PRDM15: variants seen among roughly 807,000 people sequenced by gnomAD.
The protein encoded by PRDM15 is PR/SET domain 15.
PRDM15 carries 64 observed loss-of-function variants against 128.6 expected under a neutral mutation model. The observed-to-expected ratio is 0.50, with a 90% CI of 0.41 to 0.61. PRDM15 has a LOEUF of 0.61. Among genes scored for constraint, PRDM15 ranks in the 20% least tolerant of loss-of-function variants. The pLI is 0.00. For synonymous variants in PRDM15, 615 were observed against 621.8 expected (o/e 0.99, Z 0.16); for missense variants, 1,242 against 1,569.1 (o/e 0.79, Z 3.52).
intron 6 of PRDM15, among the ~76,000 whole-genome samples, chr21:41,844,709 G>GACAC (rs1158170548): frequency 4.2e-3 from 4 of 950 alleles, no homozygotes; most frequent in Middle Eastern, 0.25. Context: ...CCATCACAGG[G>GACAC]ACACACACAC....
rs958683776 is a variant in PRDM15, at chr21:41,805,649, G to A, written c.2653-1035C>T. 9.2e-5 allele frequency among the ~76,000 whole-genome samples: 14 copies of A among 152,032 alleles called. No individual in the cohort carries two copies. In the East Asian group the frequency reaches 1.4e-3, roughly 15 times the overall value. On this transcript the variant is annotated intron_variant, in intron 21 of 23. Transcript: ENST00000398548. ...AGCACAGATCTATACTGTGACACTCGCAAAGGACCCTGAGCAAAAGCAACC... is the reference window on the plus strand; with the variant it reads ...AGCACAGATCTATACTGTGACACTCACAAAGGACCCTGAGCAAAAGCAACC...
rs1300529551 is a variant in PRDM15, at chr21:41,835,517, C to T, written c.1286G>A (p.Gly429Asp). ...SYKHSRNEVD[G>D]EYRYRCGTCE... is the part of the protein sequence containing the mutation. ...AGTGCCGCAGCGGTACCTGTACTCG[C>T]CGTCCACCTGGTCAGAGGGACACGC... The change falls in exon 11 of 24, where the codon GGC becomes GAC. Residue 429 changes from glycine to aspartate, a missense_variant. Physicochemically the swap from Gly to Asp is moderately conservative, Grantham distance 94. Transcript: ENST00000398548. The T allele has an allele frequency of 6.2e-7, 1 of 1,608,716 alleles. No individual in the cohort carries two copies. Among genetic ancestry groups the T allele is most frequent in the Admixed American group, 1.7e-5 (1 of 60,012 alleles).
intron 13 of PRDM15, 65 bp downstream of exon 13, chr21:41,825,893 TAG>T (rs2062451885): frequency 4.1e-6 from 5 of 1,222,794 alleles, no homozygotes; most frequent in Non-Finnish European, 6.0e-6. Context: ...GTACAGCTCA[TAG>T]AGTCTTAACT....
chr21:41,823,833 AC>A (rs745710079), intron 13 of PRDM15, among the ~76,000 whole-genome samples: 2 of 152,132 alleles, frequency 1.3e-5, no homozygotes, highest in African/African-American at 4.8e-5. Context: ...AAAGCTAGTT[AC>A]CCCCTTGGCT....
At chr21:41,869,685 A>G (rs541043860) in intron 1 of PRDM15, among the ~76,000 whole-genome samples, 48 of 152,294 alleles carry the variant, frequency 3.2e-4, no homozygotes, top group African/African-American at 1.2e-3. Context: ...GGCTCAAGCC[A>G]TTTATCCACC....
At chr21:41,819,897 G>A (rs898304819) in intron 17 of PRDM15, 196 bp from the exon 18 acceptor site, 1 of 779,470 alleles carries the variant, frequency 1.3e-6, no homozygotes, top group Non-Finnish European at 2.1e-6. Context: ...TGAGGACCTG[G>A]AGGGGTGAGG....
chr21:41,803,982 T>TTTC (rs2061489165), intron 22 of PRDM15, among the ~76,000 whole-genome samples: 2 of 140,436 alleles, frequency 1.4e-5, no homozygotes, highest in African/African-American at 5.1e-5. Flanking sequence ...TTTTTTTTTT[T>TTTC]CAGACACAGT....
intron 7 of PRDM15, among the ~76,000 whole-genome samples, chr21:41,838,508 C>CG (rs2062968358): frequency 6.6e-6 from 1 of 152,178 alleles, no homozygotes; most frequent in African/African-American, 2.4e-5. Flanking sequence ...ATCACATCAT[C>CG]GCCAATACTG....
chr21:41,802,709 G>C lies in PRDM15; in HGVS notation c.2943+3C>G, dbSNP rs1236598731. On this transcript the variant is annotated splice_donor_region_variant and intron_variant, in intron 23 of 23. Coordinates refer to ENST00000398548, the MANE Select transcript of PRDM15 (RefSeq NM_001040424.3). ...TAATCAGAACATAAAGCAGCAAACT[G>C]ACCTGCTGAATGCTCTGTACTGCGG... 6.2e-7 allele frequency: 1 copy of C among 1,613,172 alleles called. No individual in the cohort carries two copies. The highest frequency in any genetic ancestry group is 8.5e-7 in the Non-Finnish European group (1 of 1,179,236).
intron 3 of PRDM15, among the ~76,000 whole-genome samples, chr21:41,858,430 C>G (rs1221021285): frequency 1.3e-5 from 2 of 151,874 alleles, no homozygotes; most frequent in Admixed American, 1.3e-4. Flanking sequence ...AGAGCACAGG[C>G]CTCTCCGACA....
At chr21:41,845,470 C>T (rs1165248123) in intron 6 of PRDM15, among the ~76,000 whole-genome samples, 5 of 151,686 alleles carry the variant, frequency 3.3e-5, no homozygotes, top group African/African-American at 1.2e-4. Flanking sequence ...CCGCAGAAGG[C>T]AGAGCCGTCA....
At chr21:41,834,214 G>A (rs1253123479) in intron 11 of PRDM15, among the ~76,000 whole-genome samples, 2 of 145,766 alleles carry the variant, frequency 1.4e-5, no homozygotes, top group Admixed American at 1.4e-4. Flanking sequence ...CCAACCCCAG[G>A]AAGAAGGCAT....
chr21:41,810,790 C>T lies in PRDM15; in HGVS notation c.2439G>A (p.Glu813=). 1 of 1,614,172 alleles carries T rather than the reference C, an allele frequency of 6.2e-7. No individual in the cohort carries two copies. The highest frequency in any genetic ancestry group is 1.3e-5 in the African/African-American group (1 of 75,060). The change falls in exon 20 of 24, where the codon GAG becomes GAA. Residue 813 remains glutamate, a synonymous_variant. Coordinates refer to ENST00000398548, the MANE Select transcript of PRDM15 (RefSeq NM_001040424.3). The surrounding 1 kb of genome is among the most constrained non-coding windows in gnomAD (Gnocchi z 6.4). ...MCELCGKTFS[E]RNTMETHKLI... ...GCTTGTGGGTCTCCATGGTGTTCCT[C>T]TCGCTGAATGTCTTCCCACACAATT...
intron 1 of PRDM15, chr21:41,878,850 C>G (rs375565529): frequency 1.2e-6 from 1 of 802,032 alleles, no homozygotes; most frequent in Non-Finnish European, 1.5e-6. Context: ...CGGGCCGGGG[C>G]GGCGAAGACC....
At chr21:41,835,297 G>A (rs1198876899) in intron 11 of PRDM15, 140 bp downstream of exon 11, 2 of 703,882 alleles carry the variant, frequency 2.8e-6, no homozygotes, top group Non-Finnish European at 4.9e-6. Flanking sequence ...GAAGCAAAAT[G>A]GACAGAGGGA....
chr21:41,842,385 C>T lies in PRDM15; in HGVS notation c.641-2532G>A, dbSNP rs1366530216. ...AATGCTTATCTTCTCCACAATCTCA[C>T]CAACATATTTATATCACTATTTTGG... On this transcript the variant is annotated intron_variant, in intron 6 of 23. Coordinates refer to ENST00000398548, the MANE Select transcript of PRDM15 (RefSeq NM_001040424.3). 2.0e-5 allele frequency among the ~76,000 whole-genome samples: 3 copies of T among 152,346 alleles called. No individual in the cohort carries two copies. In the South Asian group the frequency reaches 6.2e-4, roughly 32 times the overall value.
chr21:41,852,571 T>C (rs965809443), intron 5 of PRDM15, among the ~76,000 whole-genome samples: 2 of 152,216 alleles, frequency 1.3e-5, no homozygotes, highest in African/African-American at 4.8e-5. Flanking sequence ...TCCAAGTTCT[T>C]TTTGTCCTTT....
intron 4 of PRDM15, among the ~76,000 whole-genome samples, chr21:41,856,039 C>A (rs1601411030): frequency 5.7e-5 from 2 of 35,302 alleles, no homozygotes; most frequent in African/African-American, 1.4e-4. Context: ...CCCCTCCCTT[C>A]CTTCCTTTCC....
rs538411768 is a variant in PRDM15 at position 41,832,639 on chromosome 21, C to T, written c.1366+2798G>A. On this transcript the variant is annotated intron_variant, in intron 11 of 23. Transcript: ENST00000398548. The surrounding 1 kb of genome is among the most constrained non-coding windows in gnomAD (Gnocchi z 4.2). ...AAAGAGCACAGGTGAGCCTCCCTCC[C>T]GGGCAGGTGCTAAAGAGCACAGGTG... Among the ~76,000 whole-genome samples, 121 of 152,250 alleles carry T rather than the reference C, an allele frequency of 7.9e-4. No individual in the cohort carries two copies. Among genetic ancestry groups the T allele is most frequent in the African/African-American group, 1.7e-4 (7 of 41,526 alleles).
Sources: allele counts gnomAD v4.1 joint callset (sites outside exome capture counted in the v4.1 genomes callset), GRCh38; gene constraint gnomAD v4.1.1; non-coding constraint Gnocchi (gnomAD v3.1); transcripts MANE v1.5; gene names NCBI Gene and HGNC (gene_info 2026-07-23, HGNC 2026-07-21).